DNMT3A: variants seen among roughly 807,000 people sequenced by gnomAD.
The protein encoded by DNMT3A is DNA (cytosine-5)-methyltransferase 3A.
A neutral mutation model predicts 117.6 loss-of-function variants in DNMT3A; 267 were observed. The observed-to-expected ratio is 2.27, with a 90% CI of 2.05 to 2.51. The LOEUF is 2.51. Among genes scored for constraint, DNMT3A ranks in the 30% most tolerant of loss-of-function variants. The pLI, the probability that DNMT3A is intolerant of heterozygous loss-of-function variation, is 0.00. For missense variants in DNMT3A, 1,029 were observed against 1,260.2 expected (o/e 0.82, Z 2.78); for synonymous variants, 432 against 474.8 (o/e 0.91, Z 1.17).
intron 3 of DNMT3A, among the ~76,000 whole-genome samples, chr2:25,289,991 A>C (rs1482151625): frequency 1.3e-5 from 2 of 151,896 alleles, no homozygotes; most frequent in Admixed American, 6.6e-5. Context: ...TTTAAGAGAC[A>C]GGATATCCCT....
In DNMT3A at chr2:25,228,048, C is replaced by T. The variant is rs893505845; in HGVS notation, c.*6231G>A. 6.6e-6 allele frequency: 1 copy of T among 151,126 alleles called. No individual in the cohort carries two copies. Among genetic ancestry groups the T allele is most frequent in the Non-Finnish European group, 1.5e-5 (1 of 67,810 alleles). 9.4% of individuals were successfully genotyped at this position (151,126 alleles called of 1,614,324 possible). ...ACCTCTTTAATTATTTCATAAACAG[C>T]TATGTCACGAGCATCACTTACACAG... On this transcript the variant is annotated 3_prime_UTR_variant, in exon 23 of 23. Coordinates refer to ENST00000321117, the MANE Select transcript of DNMT3A (RefSeq NM_022552.5).
intron 3 of DNMT3A, among the ~76,000 whole-genome samples, chr2:25,291,285 C>T (rs879456593): frequency 1.2e-4 from 19 of 152,252 alleles, no homozygotes; most frequent in Non-Finnish European, 2.4e-4. Flanking sequence ...GCTCTGCCCC[C>T]GAAGCATTGG....
intron 1 of DNMT3A, among the ~76,000 whole-genome samples, chr2:25,326,242 A>T (rs758944774): frequency 7.2e-5 from 11 of 151,740 alleles, no homozygotes; most frequent in Non-Finnish European, 1.6e-4. Flanking sequence ...TTTATAATGT[A>T]GTCTTTAGGT....
At chr2:25,274,001 T>C (rs951722198) in intron 6 of DNMT3A, among the ~76,000 whole-genome samples, 2 of 152,206 alleles carry the variant, frequency 1.3e-5, no homozygotes, top group African/African-American at 4.8e-5. Context: ...TAAGTTCCCA[T>C]GGATTTAAAT....
At position 25,243,981 on chromosome 2, in the gene DNMT3A, T is replaced by C; in HGVS notation, c.1853A>G (p.Asp618Gly). The change falls in exon 16 of 23, where the codon GAC becomes GGC. Residue 618 changes from aspartate (D) to glycine (G), a missense_variant and splice_region_variant. Physicochemically the swap from Asp to Gly is moderately conservative, Grantham distance 94. Transcript: ENST00000321117. Reference sequence around the variant, plus strand: ...GACAGGTGGGTAAACCTTTGGAGGGTCCTAAGCAGTGAGCACAACAGGTCA... The same window carrying C: ...GACAGGTGGGTAAACCTTTGGAGGGCCCTAAGCAGTGAGCACAACAGGTCA... The part of the protein sequence containing the change: ...FFANNHDQEF[D>G]PPKVYPPVPA... The C allele has an allele frequency of 6.4e-7, 1 of 1,553,340 alleles. No homozygotes were observed. The highest frequency in any genetic ancestry group is 2.4e-5 in the East Asian group (1 of 41,398).
intron 9 of DNMT3A, 49 bp from the exon 10 acceptor site, chr2:25,246,825 C>A (rs2149304018): frequency 6.3e-7 from 1 of 1,599,306 alleles, no homozygotes; most frequent in Admixed American, 1.7e-5. Flanking sequence ...GGCTGGAAGG[C>A]AGATGGGTCA....
At chr2:25,250,962 C>A (rs1240964435) in intron 6 of DNMT3A, among the ~76,000 whole-genome samples, 1 of 152,232 alleles carries the variant, frequency 6.6e-6, no homozygotes, top group Non-Finnish European at 1.5e-5. Context: ...TGTCTCTCAG[C>A]CCCTTCACAG....
At position 25,259,327 on chromosome 2, in the gene DNMT3A, C is replaced by T. The variant is rs116480628; in HGVS notation, c.640-11075G>A. ...GGGCAGGGGTGGGAGAGTAGCAGTACCCCACTGATACCGGATCTCAGGTGC... is the reference window on the plus strand; with the variant it reads ...GGGCAGGGGTGGGAGAGTAGCAGTATCCCACTGATACCGGATCTCAGGTGC... On this transcript the variant is annotated intron_variant, in intron 6 of 22. Transcript: ENST00000321117. Among the ~76,000 whole-genome samples the T allele has an allele frequency of 5.0e-3, 763 of 152,268 alleles. 7 individuals are homozygous for T. Among genetic ancestry groups the T allele is most frequent in the African/African-American group, 0.018 (741 of 41,532 alleles).
In DNMT3A at chr2:25,247,219, C is replaced by A; in HGVS notation, c.1015-61G>T. 1.3e-6 allele frequency: 2 copies of A among 1,538,110 alleles called. No homozygotes were observed. Among genetic ancestry groups the A allele is most frequent in the Non-Finnish European group, 8.9e-7 (1 of 1,120,404 alleles). On this transcript the variant is annotated intron_variant, in intron 8 of 22. Transcript: ENST00000321117. The surrounding 1 kb of genome is among the most constrained non-coding windows in gnomAD (Gnocchi z 5.6). ...TACACTTGCAAGCACCCACCCCATGCCTTGCAACTGGCAGGGGCTGGGAGC... is the reference window on the plus strand; with the variant it reads ...TACACTTGCAAGCACCCACCCCATGACTTGCAACTGGCAGGGGCTGGGAGC...
At chr2:25,307,050 G>C (rs1012827381) in intron 2 of DNMT3A, among the ~76,000 whole-genome samples, 2 of 152,324 alleles carry the variant, frequency 1.3e-5, no homozygotes, top group South Asian at 2.1e-4. Context: ...CGGTAAAATG[G>C]GGATGAGGAA....
chr2:25,234,229 T>A lies in DNMT3A; in HGVS notation c.*50A>T, dbSNP rs1318016584. The A allele has an allele frequency of 6.4e-7, 1 of 1,566,754 alleles. No homozygotes were observed. Among genetic ancestry groups the A allele is most frequent in the Non-Finnish European group, 8.7e-7 (1 of 1,150,534 alleles). ...GTGTTTTATTATGTTTTGTGTTTTT[T>A]GTTTGTTTGTTTAACTTTGTGTCGC... is the stretch of plus-strand genomic sequence containing the variant. On this transcript the variant is annotated 3_prime_UTR_variant, in exon 23 of 23. Coordinates refer to ENST00000321117, the MANE Select transcript of DNMT3A (RefSeq NM_022552.5). This position sits in a 1 kb window ranked among gnomAD's most constrained non-coding sequence, Gnocchi z 4.5.
Position 25,311,557 on chromosome 2 carries a change from G to A in DNMT3A, c.72+2356C>T, listed in dbSNP as rs2034120378. On this transcript the variant is annotated intron_variant, in intron 2 of 22. Coordinates refer to ENST00000321117, the MANE Select transcript of DNMT3A (RefSeq NM_022552.5). The surrounding 1 kb of genome is among the most constrained non-coding windows in gnomAD (Gnocchi z 5.2). ...GCCATCTTTTGGCATGACCCCTCCT[G>A]CTGGGGTGTGAGTGTGCACTCTATC... Among the ~76,000 whole-genome samples, 1 of 152,202 alleles carries A rather than the reference G, an allele frequency of 6.6e-6. No homozygotes were observed. Among genetic ancestry groups the A allele is most frequent in the Admixed American group, 6.5e-5 (1 of 15,282 alleles).
In DNMT3A at chr2:25,286,571, C is replaced by T. The variant is rs80325633; in HGVS notation, c.178-3860G>A. The stretch of plus-strand genomic sequence containing the variant: ...TGGGGGGGAGGGCAATGACTTCTGC[C>T]ACGCTCAACCCTTGATTCATCCTAC... On this transcript the variant is annotated intron_variant, in intron 3 of 22. Transcript: ENST00000321117. The surrounding 1 kb of genome is among the most constrained non-coding windows in gnomAD (Gnocchi z 4.3). Among the ~76,000 whole-genome samples, 306 of 152,310 alleles carry T rather than the reference C, an allele frequency of 2.0e-3. 3 individuals carry two copies. The highest frequency in any genetic ancestry group is 6.7e-3 in the African/African-American group (278 of 41,558).
At position 25,282,154 on chromosome 2, in the gene DNMT3A, CT is replaced by C. The variant is rs532858843; in HGVS notation, c.448+286del. 76,891 of 834,574 alleles carry C rather than the reference CT, an allele frequency of 0.092. 2 individuals carry two copies. The highest frequency in any genetic ancestry group is 0.11 in the East Asian group (2,167 of 20,046). 51.7% of individuals were successfully genotyped at this position (834,574 alleles called of 1,614,324 possible). A position where few individuals can be genotyped will look rare whatever the true frequency, so the allele number is the denominator to read the frequency against. On this transcript the variant is annotated intron_variant, in intron 4 of 22. Coordinates refer to ENST00000321117, the MANE Select transcript of DNMT3A (RefSeq NM_022552.5). The surrounding 1 kb of genome is among the most constrained non-coding windows in gnomAD (Gnocchi z 5.2). The stretch of plus-strand genomic sequence containing the variant: ...GAAAGCCCGCTGTTGCCAGATCTAG[CT>C]TTTTTTTTTTTCATGAGAAGCCAAA...
intron 2 of DNMT3A, among the ~76,000 whole-genome samples, chr2:25,307,082 T>C (rs896670788): frequency 6.6e-6 from 1 of 152,244 alleles, no homozygotes; most frequent in Non-Finnish European, 1.5e-5. Context: ...CATCCTGCTC[T>C]GGGCGCCCCC....
At chr2:25,333,993 T>G (rs896944951) in intron 1 of DNMT3A, among the ~76,000 whole-genome samples, 1 of 152,222 alleles carries the variant, frequency 6.6e-6, no homozygotes, top group African/African-American at 2.4e-5. Context: ...AGCCTTGGAT[T>G]AAACAGCTGG....
intron 1 of DNMT3A, among the ~76,000 whole-genome samples, chr2:25,332,000 C>T (rs557963789): frequency 1.3e-4 from 20 of 152,302 alleles, no homozygotes; most frequent in South Asian, 1.2e-3. Context: ...GCTTTTATCC[C>T]GCCTGTTCCT....
In DNMT3A at chr2:25,314,332, C is replaced by T. The variant is rs937350685; in HGVS notation, c.-177-171G>A. ...CGAGGCAGGCTCCCTTCAGGGCCAC[C>T]TCCTACCCCAGCAGCCTCTGAGAGC... On this transcript the variant is annotated intron_variant, in intron 1 of 22. Coordinates refer to ENST00000321117, the MANE Select transcript of DNMT3A (RefSeq NM_022552.5). 9 of 985,242 alleles carry T rather than the reference C, an allele frequency of 9.1e-6. No individual in the cohort carries two copies. The African/African-American group carries it at 1.6e-4, about 17-fold the overall frequency. The allele number at this position is 985,242 out of a possible 1,614,324, so 61.0% of individuals were successfully genotyped here. A position where few individuals can be genotyped will look rare whatever the true frequency, so the allele number is the denominator to read the frequency against.
intron 6 of DNMT3A, among the ~76,000 whole-genome samples, chr2:25,269,484 C>CAGGA (rs945929411): frequency 6.6e-6 from 1 of 152,148 alleles, no homozygotes; most frequent in African/African-American, 2.4e-5. Context: ...GGAACGATGA[C>CAGGA]AGGAAGGAAG....
Sources: allele counts gnomAD v4.1 joint callset (sites outside exome capture counted in the v4.1 genomes callset), GRCh38; gene constraint gnomAD v4.1.1; non-coding constraint Gnocchi (gnomAD v3.1); transcripts MANE v1.5; gene names NCBI Gene and HGNC (gene_info 2026-07-23, HGNC 2026-07-21).